Variants in COL14A1 observed in about 807,000 individuals in gnomAD.
The protein encoded by COL14A1 is collagen alpha-1(XIV) chain.
A neutral mutation model predicts 230.3 loss-of-function variants in COL14A1; 136 were observed. That is an observed-to-expected ratio of 0.59 (90% CI 0.51 to 0.68). COL14A1 has a LOEUF of 0.68. COL14A1 is among the 30% of genes least tolerant of loss of function. The probability of loss-of-function intolerance (pLI) is 0.00; values close to 1 mark genes in which losing one functional copy is unlikely to be tolerated. For synonymous variants in COL14A1, 792 were observed against 784.1 expected, an observed-to-expected ratio of 1.01 and a Z score of -0.17; for missense variants, 1,976 against 2,215.8, an observed-to-expected ratio of 0.89 and a Z score of 2.17.
Position 120,334,016 on chromosome 8 carries a change from A to C in COL14A1, c.4785+1281A>C, listed in dbSNP as rs375385158. ...ATTGCCTTTTGCCACATAAGGTAAC[A>C]TATTCACAGGTTCTGGGGATTAGGG... is the stretch of plus-strand genomic sequence containing the variant. On this transcript the variant is annotated intron_variant, in intron 42 of 47. Coordinates refer to ENST00000297848, the MANE Select transcript of COL14A1 (RefSeq NM_021110.4). Among the ~76,000 whole-genome samples, 17 of 152,346 alleles carry C rather than the reference A, an allele frequency of 1.1e-4. No individual in the cohort carries two copies. In the East Asian group the frequency reaches 3.1e-3, roughly 28 times the overall value.
chr8:120,328,011 G>T (rs959431283), intron 40 of COL14A1, among the ~76,000 whole-genome samples: 1 of 152,052 alleles, frequency 6.6e-6, no homozygotes, highest in Admixed American at 6.5e-5. Flanking sequence ...TCATCTGCCC[G>T]CCTCGGCCTC....
intron 2 of COL14A1, among the ~76,000 whole-genome samples, chr8:120,149,532 C>G (rs999596309): frequency 6.6e-6 from 1 of 152,082 alleles, no homozygotes; most frequent in Non-Finnish European, 1.5e-5. Flanking sequence ...AAACAAAGGG[C>G]GGGCAAGTTG....
intron 5 of COL14A1, among the ~76,000 whole-genome samples, chr8:120,187,835 A>G (rs1045829328): frequency 1.3e-5 from 2 of 152,130 alleles, no homozygotes; most frequent in Non-Finnish European, 2.9e-5. Context: ...TAATTTCTAG[A>G]TTTACGTAAC....
rs117300338 is a variant in COL14A1, at chr8:120,339,132, G to A, written c.4786-2193G>A. 1.4e-3 allele frequency among the ~76,000 whole-genome samples: 208 copies of A among 152,180 alleles called. 3 individuals are homozygous for A. In the East Asian group the frequency reaches 0.039, roughly 28 times the overall value. On this transcript the variant is annotated intron_variant, in intron 42 of 47. Coordinates refer to ENST00000297848, the MANE Select transcript of COL14A1 (RefSeq NM_021110.4). ...TGCCACCACAGGCACGCGCCACCAC[G>A]CCCGGCTAATTTTTGTATTTTTAGT... is the stretch of plus-strand genomic sequence containing the variant.
intron 34 of COL14A1, among the ~76,000 whole-genome samples, chr8:120,291,090 T>G (rs996945651): frequency 6.6e-6 from 1 of 152,204 alleles, no homozygotes; most frequent in African/African-American, 2.4e-5. Context: ...CCTCCTAATG[T>G]GTGGCATTTC....
chr8:120,223,505 A>G (rs1186699738), intron 14 of COL14A1, among the ~76,000 whole-genome samples: 5 of 152,114 alleles, frequency 3.3e-5, no homozygotes, highest in African/African-American at 1.2e-4. Flanking sequence ...CCCTGTCTCT[A>G]CTAAAAATAC....
chr8:120,188,507 G>A (rs1253575752), intron 5 of COL14A1, among the ~76,000 whole-genome samples: 4 of 152,172 alleles, frequency 2.6e-5, no homozygotes, highest in Non-Finnish European at 4.4e-5. Context: ...CATTTCTCCT[G>A]GACTTGTGCA....
chr8:120,342,230 G>T, intron 43 of COL14A1, 150 bp from the exon 44 acceptor site: 1 of 664,638 alleles, frequency 1.5e-6, no homozygotes, highest in African/African-American at 1.8e-5. Context: ...CCCCTTCTCT[G>T]CATGCACCGT....
At chr8:120,202,989 A>AATATATATATGTATAT (rs1817300603) in intron 8 of COL14A1, among the ~76,000 whole-genome samples, 1 of 106,554 alleles carries the variant, frequency 9.4e-6, no homozygotes, top group Non-Finnish European at 2.0e-5. Flanking sequence ...AATAATTTCA[A>AATATATATATGTATAT]ATATATATAT....
At position 120,246,551 on chromosome 8, in the gene COL14A1, C is replaced by T. The variant is rs577435793; in HGVS notation, c.2480-1062C>T. Among the ~76,000 whole-genome samples, 9 of 151,954 alleles carry T rather than the reference C, an allele frequency of 5.9e-5. No individual in the cohort carries two copies. In the South Asian group the frequency reaches 1.0e-3, roughly 18 times the overall value. On this transcript the variant is annotated intron_variant, in intron 20 of 47. Coordinates refer to ENST00000297848, the MANE Select transcript of COL14A1 (RefSeq NM_021110.4). ...AAACATCAAGTAGTATTTTACCTAG[C>T]GAGGTAAATACTTGCTATTATGTAT... is the stretch of plus-strand genomic sequence containing the variant.
At chr8:120,320,742 AT>A (rs1381161876) in intron 40 of COL14A1, among the ~76,000 whole-genome samples, 1 of 152,210 alleles carries the variant, frequency 6.6e-6, no homozygotes, top group Non-Finnish European at 1.5e-5. Flanking sequence ...GATGGGTTTT[AT>A]AATATCCCAA....
chr8:120,145,520 G>A (rs1477146237), intron 1 of COL14A1, among the ~76,000 whole-genome samples: 3 of 152,190 alleles, frequency 2.0e-5, no homozygotes, highest in Non-Finnish European at 2.9e-5. Flanking sequence ...TTGGGAGGCT[G>A]AGGCAGGAGA....
intron 1 of COL14A1, among the ~76,000 whole-genome samples, chr8:120,141,559 A>G (rs114202693): frequency 1.6e-3 from 243 of 152,224 alleles, no homozygotes; most frequent in African/African-American, 5.7e-3. Context: ...AAAAGAAAAC[A>G]AAAGAAAAGA....
At chr8:120,276,834 TAATAAAAAAA>T (rs1482133993) in intron 26 of COL14A1, among the ~76,000 whole-genome samples, 3 of 111,512 alleles carry the variant, frequency 2.7e-5, no homozygotes, top group Non-Finnish European at 5.6e-5. Context: ...TAAAGTATAA[TAATAAAAAAA>T]AATAAAATAA....
chr8:120,183,185 A>T (rs1349751018), intron 5 of COL14A1, among the ~76,000 whole-genome samples: 2 of 152,120 alleles, frequency 1.3e-5, no homozygotes, highest in African/African-American at 4.8e-5. Context: ...AGTTTCTGAG[A>T]TGTTGTTGGG....
At chr8:120,160,230 A>G (rs1212684101) in intron 3 of COL14A1, among the ~76,000 whole-genome samples, 1 of 152,180 alleles carries the variant, frequency 6.6e-6, no homozygotes, top group Non-Finnish European at 1.5e-5. Flanking sequence ...GGAAATTTAA[A>G]TTTAAAAGAT....
chr8:120,160,790 C>T (rs1011554227), intron 3 of COL14A1, among the ~76,000 whole-genome samples: 19 of 152,114 alleles, frequency 1.2e-4, no homozygotes, highest in African/African-American at 4.6e-4. Flanking sequence ...AAAGCATGTT[C>T]CATGGTATTC....
rs1233807824 is a variant in COL14A1, at chr8:120,283,617, G to C, written c.3825-19G>C. 6.3e-7 allele frequency: 1 copy of C among 1,577,934 alleles called. No individual in the cohort carries two copies. Among genetic ancestry groups the C allele is most frequent in the Non-Finnish European group, 8.6e-7 (1 of 1,168,112 alleles). ...TTGAGGAAGGATACAATGAAACATGGTTTTCTTTCTATGTTCAGGTACTTG... is the reference window on the plus strand; with the variant it reads ...TTGAGGAAGGATACAATGAAACATGCTTTTCTTTCTATGTTCAGGTACTTG... On this transcript the variant is annotated intron_variant, in intron 31 of 47. Coordinates refer to ENST00000297848, the MANE Select transcript of COL14A1 (RefSeq NM_021110.4).
intron 1 of COL14A1, among the ~76,000 whole-genome samples, chr8:120,127,813 T>G (rs943667393): frequency 6.6e-6 from 1 of 152,228 alleles, no homozygotes; most frequent in Non-Finnish European, 1.5e-5. Flanking sequence ...ACTGCTGTTT[T>G]CCTGGCCTGT....
Sources: allele counts gnomAD v4.1 joint callset (sites outside exome capture counted in the v4.1 genomes callset), GRCh38; gene constraint gnomAD v4.1.1; transcripts MANE v1.5; gene names NCBI Gene and HGNC (gene_info 2026-07-23, HGNC 2026-07-21).